Variants in CATSPERG observed in about 807,000 individuals in gnomAD.
CATSPERG encodes the protein cation channel sperm-associated auxiliary subunit gamma.
CATSPERG carries 115 observed loss-of-function variants against 145.0 expected under a neutral mutation model. That is an observed-to-expected ratio of 0.79 (90% CI 0.68 to 0.93). CATSPERG has a LOEUF of 0.93. CATSPERG is among the 40% of genes least tolerant of loss of function. The pLI, the probability that CATSPERG is intolerant of heterozygous loss-of-function variation, is 0.00. For synonymous variants in CATSPERG, 588 were observed against 589.0 expected, an observed-to-expected ratio of 1.00 and a Z score of 0.02; for missense variants, 1,296 against 1,490.1, an observed-to-expected ratio of 0.87 and a Z score of 2.14.
Position 38,361,856 on chromosome 19 carries a change from G to T in CATSPERG, c.2089G>T (p.Asp697Tyr). ...YYLLWLHSVYDKPYADPVHDP... is the reference protein window; with the variant it reads ...YYLLWLHSVYYKPYADPVHDP... ...CCTGCTGTGGCTGCACTCCGTGTACGACAAGGTGGGCGTCCGGCGGCGGGC... is the reference window on the plus strand; with the variant it reads ...CCTGCTGTGGCTGCACTCCGTGTACTACAAGGTGGGCGTCCGGCGGCGGGC... Residue 697 changes from aspartate (D) to tyrosine (Y), a missense_variant, in exon 17 of 29, where the codon GAC becomes TAC. Coordinates refer to ENST00000409235, the MANE Select transcript of CATSPERG (RefSeq NM_021185.5). The T allele has an allele frequency of 6.2e-7, 1 of 1,606,694 alleles. No individual in the cohort carries two copies. Among genetic ancestry groups the T allele is most frequent in the South Asian group, 1.1e-5 (1 of 89,946 alleles).
At position 38,370,152 on chromosome 19, in the gene CATSPERG, C is replaced by G. The variant is rs1379285968; in HGVS notation, c.3114-7C>G. 4 of 1,613,692 alleles carry G rather than the reference C, an allele frequency of 2.5e-6. No individual in the cohort carries two copies. The highest frequency in any genetic ancestry group is 3.4e-6 in the Non-Finnish European group (4 of 1,179,896). On this transcript the variant is annotated splice_polypyrimidine_tract_variant and splice_region_variant and intron_variant, in intron 27 of 28. Transcript: ENST00000409235. ...TCTAATCCTGGATCCCCTCCCAACC[C>G]CTGCAGAGGAGTGGACACGAGCACC...
At chr19:38,369,737 A>G (rs1267755558) in intron 26 of CATSPERG, 3 of 570,002 alleles carry the variant, frequency 5.3e-6, no homozygotes, top group Non-Finnish European at 9.6e-6. Context: ...GCACAGTGAC[A>G]GAGGAATTGA....
intron 9 of CATSPERG, among the ~76,000 whole-genome samples, chr19:38,356,188 G>A (rs1008530378): frequency 5.9e-5 from 9 of 152,180 alleles, no homozygotes; most frequent in Admixed American, 2.6e-4. Context: ...TCTGAGTCAC[G>A]CCAAGAGAAT....
intron 3 of CATSPERG, among the ~76,000 whole-genome samples, chr19:38,341,844 A>G (rs1478917950): frequency 1.3e-5 from 2 of 151,984 alleles, no homozygotes; most frequent in African/African-American, 4.8e-5. Context: ...AGAGGGTGCA[A>G]TGAGCTGAGA....
rs1447047146 is a variant in CATSPERG at position 38,337,587 on chromosome 19, T to C, written c.271-6T>C. On this transcript the variant is annotated splice_region_variant and splice_polypyrimidine_tract_variant and intron_variant, in intron 2 of 28. Coordinates refer to ENST00000409235, the MANE Select transcript of CATSPERG (RefSeq NM_021185.5). ...TCTGGACGTGTGGCCTAACCTCTCTTTGCAGAAATACCTGGGCTTCCCTTA... is the reference window on the plus strand; with the variant it reads ...TCTGGACGTGTGGCCTAACCTCTCTCTGCAGAAATACCTGGGCTTCCCTTA... 1 of 1,551,762 alleles carries C rather than the reference T, an allele frequency of 6.4e-7. No individual in the cohort carries two copies. Among genetic ancestry groups the C allele is most frequent in the East Asian group, 2.4e-5 (1 of 40,934 alleles).
Position 38,362,727 on chromosome 19 carries a change from G to A in CATSPERG, c.2370G>A (p.Gln790=). 6.2e-7 allele frequency: 1 copy of A among 1,614,166 alleles called. No homozygotes were observed. The highest frequency in any genetic ancestry group is 1.3e-5 in the African/African-American group (1 of 75,066). The change falls in exon 20 of 29, where the codon CAG becomes CAA. Residue 790 remains glutamine (Q), a synonymous_variant. Coordinates refer to ENST00000409235, the MANE Select transcript of CATSPERG (RefSeq NM_021185.5). ...TGCCCGGAGCAGGCACCGCCTTCCA[G>A]CTGCATAGCCAGGTGGACGTGGGCG... The part of the protein sequence containing the change: ...RTQSELGTAF[Q]LHSQVDVGVV...
chr19:38,359,343 G>T (rs553526591), intron 13 of CATSPERG, 127 bp from the exon 14 acceptor site: 805 of 594,618 alleles, frequency 1.4e-3, no homozygotes, highest in Non-Finnish European at 1.9e-3. Context: ...CGGGAGCTAG[G>T]ATTTCAAGCT....
At chr19:38,360,150 AGT>A (rs1970318890) in intron 14 of CATSPERG, 18 of 985,338 alleles carry the variant, frequency 1.8e-5, no homozygotes, top group Non-Finnish European at 2.2e-5. Flanking sequence ...AGCTGCAAAG[AGT>A]GAGAAGAAAA....
chr19:38,365,314 G>A, intron 22 of CATSPERG, 197 bp downstream of exon 22: 2 of 589,078 alleles, frequency 3.4e-6, no homozygotes, highest in Non-Finnish European at 3.0e-6. Context: ...TTTCACTCTT[G>A]TTGCCCAGGC....
At position 38,358,333 on chromosome 19, in the gene CATSPERG, G is replaced by C; in HGVS notation, c.1366+5G>C. 1 of 1,614,200 alleles carries C rather than the reference G, an allele frequency of 6.2e-7. No homozygotes were observed. Among genetic ancestry groups the C allele is most frequent in the Non-Finnish European group, 8.5e-7 (1 of 1,180,030 alleles). On this transcript the variant is annotated splice_donor_5th_base_variant and intron_variant, in intron 12 of 28. Coordinates refer to ENST00000409235, the MANE Select transcript of CATSPERG (RefSeq NM_021185.5). Reference sequence around the variant, plus strand: ...TCCCAGAATTCATCCCTGAAGGTAGGAAGGGAAGGCAGACGTGGCCTCAGG... The same window carrying C: ...TCCCAGAATTCATCCCTGAAGGTAGCAAGGGAAGGCAGACGTGGCCTCAGG...
chr19:38,364,668 C>T (rs1037419527), intron 20 of CATSPERG, among the ~76,000 whole-genome samples: 1 of 152,264 alleles, frequency 6.6e-6, no homozygotes, highest in Non-Finnish European at 1.5e-5. Context: ...GTCTGCAATC[C>T]CGGCACCTCG....
rs1183820787 is a variant in CATSPERG, at chr19:38,370,509, T to C, written c.3214-17T>C. 3 of 1,614,052 alleles carry C rather than the reference T, an allele frequency of 1.9e-6. No homozygotes were observed. Among genetic ancestry groups the C allele is most frequent in the Admixed American group, 1.7e-5 (1 of 60,014 alleles). On this transcript the variant is annotated splice_polypyrimidine_tract_variant and intron_variant, in intron 28 of 28. Coordinates refer to ENST00000409235, the MANE Select transcript of CATSPERG (RefSeq NM_021185.5). The stretch of plus-strand genomic sequence containing the variant: ...TTATCATGTGCCAACTCCTTACTCA[T>C]TCTTTGCTCCCTGCAGGTGTCAGCT...
chr19:38,359,891 G>C, intron 14 of CATSPERG: 2 of 1,119,248 alleles, frequency 1.8e-6, no homozygotes, highest in Non-Finnish European at 2.2e-6. Context: ...AGAACACAGA[G>C]TGATCAGGGC....
At chr19:38,362,124 G>GTGGT (rs1970357993) in intron 17 of CATSPERG, 86 bp from the exon 18 acceptor site, 4 of 1,427,808 alleles carry the variant, frequency 2.8e-6, no homozygotes, top group Non-Finnish European at 3.9e-6. Flanking sequence ...TGGCTTTGAG[G>GTGGT]CTAGGAGGTG....
intron 11 of CATSPERG, among the ~76,000 whole-genome samples, chr19:38,357,174 G>A (rs1281701591): frequency 2.6e-5 from 4 of 152,176 alleles, no homozygotes; most frequent in African/African-American, 4.8e-5. Context: ...GCCTTAACAG[G>A]ACTGTTTCCT....
At position 38,361,630 on chromosome 19, in the gene CATSPERG, C is replaced by G. The variant is rs1489111029; in HGVS notation, c.1881-18C>G. On this transcript the variant is annotated intron_variant, in intron 16 of 28. Transcript: ENST00000409235. Reference sequence around the variant, plus strand: ...GGTGCCTTAGAGCCAGCAGCCTTTCCCCCTTGCCACTGCCCAGGGGCTACT... The same window carrying G: ...GGTGCCTTAGAGCCAGCAGCCTTTCGCCCTTGCCACTGCCCAGGGGCTACT... The G allele has an allele frequency of 1.2e-6, 2 of 1,601,166 alleles. No individual in the cohort carries two copies. Among genetic ancestry groups the G allele is most frequent in the Admixed American group, 3.4e-5 (2 of 59,118 alleles).
At chr19:38,353,191 G>A (rs571781470) in intron 8 of CATSPERG, among the ~76,000 whole-genome samples, 124 of 151,324 alleles carry the variant, frequency 8.2e-4, no homozygotes, top group Non-Finnish European at 1.6e-3. Context: ...AAAATTAGCC[G>A]GGCATTGTGG....
At chr19:38,337,055 A>G in intron 1 of CATSPERG, 166 bp from the exon 2 acceptor site, 1 of 795,952 alleles carries the variant, frequency 1.3e-6, no homozygotes, top group Non-Finnish European at 2.0e-6. Flanking sequence ...GGCCAGGAGC[A>G]AGAGCAGGGG....
At chr19:38,364,119 C>T (rs1189526250) in intron 20 of CATSPERG, among the ~76,000 whole-genome samples, 2 of 151,566 alleles carry the variant, frequency 1.3e-5, no homozygotes, top group Non-Finnish European at 2.9e-5. Flanking sequence ...CCCTCCCGGA[C>T]GGGGCGGCTG....
Sources: allele counts gnomAD v4.1 joint callset (sites outside exome capture counted in the v4.1 genomes callset), GRCh38; gene constraint gnomAD v4.1.1; transcripts MANE v1.5; gene names NCBI Gene and HGNC (gene_info 2026-07-23, HGNC 2026-07-21).